LRRIQ4: variants seen among roughly 807,000 people sequenced by gnomAD.
LRRIQ4 encodes the protein leucine-rich repeat and IQ domain-containing protein 4.
LRRIQ4 carries 21 observed loss-of-function variants against 40.1 expected under a neutral mutation model. The observed-to-expected ratio is 0.52, with a 90% CI of 0.37 to 0.75. The LOEUF is 0.75. Ranked by LOEUF, LRRIQ4 falls within the 30% of genes least tolerant of loss-of-function variation. The pLI is 0.00. For missense variants in LRRIQ4, 655 were observed against 660.0 expected (o/e 0.99, Z 0.08); for synonymous variants, 277 against 277.1 (o/e 1.00, Z 0.00).
Position 169,822,801 on chromosome 3 carries a change from A to C in LRRIQ4, c.880A>C (p.Arg294=), listed in dbSNP as rs1297487560. The C allele has an allele frequency of 1.9e-6, 3 of 1,613,772 alleles. No individual in the cohort carries two copies. The South Asian group carries it at 3.3e-5, about 18-fold the overall frequency. ...LLYLGNTGLH[R]LRGSFRCLVN... is the part of the protein sequence containing the mutation. ...CTACCTGGGAAACACCGGCCTGCAC[A>C]GGCTGCGGGGCTCCTTCAGGTGCCT... The change falls in exon 2 of 6, where the codon AGG becomes CGG. Residue 294 remains arginine, a synonymous_variant. Coordinates refer to ENST00000340806, the MANE Select transcript of LRRIQ4 (RefSeq NM_001080460.3).
Position 169,822,771 on chromosome 3 carries a change from C to A in LRRIQ4, c.850C>A (p.Leu284Met). The A allele has an allele frequency of 6.2e-7, 1 of 1,613,600 alleles. No homozygotes were observed. The highest frequency in any genetic ancestry group is 8.5e-7 in the Non-Finnish European group (1 of 1,179,696). The change falls in exon 2 of 6, where the codon CTG (leucine) becomes ATG (methionine). Residue 284 changes from leucine to methionine, a missense_variant. Transcript: ENST00000340806. ...RLICRWTSLH[L>M]LYLGNTGLHR... is the part of the protein sequence containing the mutation. ...CATTTGCAGGTGGACCTCGCTGCAC[C>A]TGCTCTACCTGGGAAACACCGGCCT...
intron 1 of LRRIQ4, among the ~76,000 whole-genome samples, chr3:169,818,637 G>A (rs1377935537): frequency 6.6e-6 from 1 of 152,160 alleles, no homozygotes; most frequent in African/African-American, 2.4e-5. Flanking sequence ...TTTTTCAAGT[G>A]TCTTTAGCTT....
At chr3:169,830,409 A>AAAAAAAAAAAAAAAAAAAAAAAAAT in intron 3 of LRRIQ4, 83 bp from the exon 4 acceptor site, 1 of 508,546 alleles carries the variant, frequency 2.0e-6, no homozygotes, top group Non-Finnish European at 2.9e-6. Flanking sequence ...AAAAAAAAAA[A>AAAAAAAAAAAAAAAAAAAAAAAAAT]TGCATGAGCA....
At chr3:169,831,981 A>AT (rs200261236) in intron 4 of LRRIQ4, among the ~76,000 whole-genome samples, 5 of 150,276 alleles carry the variant, frequency 3.3e-5, no homozygotes, top group Non-Finnish European at 7.4e-5. Flanking sequence ...AAGTTAAAAA[A>AT]TTTAAAAAAA....
chr3:169,832,138 A>G (rs1209153569), intron 4 of LRRIQ4, among the ~76,000 whole-genome samples: 2 of 151,994 alleles, frequency 1.3e-5, no homozygotes, highest in East Asian at 3.9e-4. Context: ...TGTCTCTAAT[A>G]TTTATGGACA....
At chr3:169,823,011 A>T (rs13433855) in intron 2 of LRRIQ4, 70 bp downstream of exon 2, 7 of 1,323,230 alleles carry the variant, frequency 5.3e-6, no homozygotes, top group South Asian at 1.7e-5. Flanking sequence ...TTGGTTCTGT[A>T]TCTAAACAGC....
intron 4 of LRRIQ4, among the ~76,000 whole-genome samples, chr3:169,832,631 C>CA (rs3047516): frequency 0.12 from 7,922 of 66,868 alleles, 574 homozygotes; most frequent in African/African-American, 0.17. Context: ...GACTCTGTCT[C>CA]AAAAAAAAAA....
rs547226611 is a variant in LRRIQ4, at chr3:169,825,175, T to G, written c.1020+2234T>G. On this transcript the variant is annotated intron_variant, in intron 2 of 5. Coordinates refer to ENST00000340806, the MANE Select transcript of LRRIQ4 (RefSeq NM_001080460.3). ...GGTGCCTGCCACCACGCCCGGCTAA[T>G]TTATGTATTTTTAGTAGAGGCAGGG... Among the ~76,000 whole-genome samples, 11 of 152,072 alleles carry G rather than the reference T, an allele frequency of 7.2e-5. No homozygotes were observed. The South Asian group carries it at 1.7e-3, about 23-fold the overall frequency.
chr3:169,815,712 G>T (rs1224844710), intron 1 of LRRIQ4, among the ~76,000 whole-genome samples: 1 of 152,100 alleles, frequency 6.6e-6, no homozygotes, highest in Non-Finnish European at 1.5e-5. Flanking sequence ...TCCTTATATT[G>T]TTCCAGATCT....
chr3:169,832,552 A>C (rs1033784400), intron 4 of LRRIQ4, among the ~76,000 whole-genome samples: 3 of 149,948 alleles, frequency 2.0e-5, no homozygotes, highest in African/African-American at 7.3e-5. Context: ...GAATCGCTTC[A>C]ACCTGGGAGG....
At chr3:169,827,125 T>TA (rs1780055980) in intron 2 of LRRIQ4, among the ~76,000 whole-genome samples, 2 of 151,990 alleles carry the variant, frequency 1.3e-5, no homozygotes, top group Admixed American at 1.3e-4. Context: ...GACTAGGGAA[T>TA]GGATGGGAAG....
At chr3:169,827,358 A>C (rs1780062341) in intron 2 of LRRIQ4, among the ~76,000 whole-genome samples, 1 of 152,150 alleles carries the variant, frequency 6.6e-6, no homozygotes, top group Admixed American at 6.5e-5. Flanking sequence ...CTGTAATCTC[A>C]GCACTTTGGG....
chr3:169,819,448 C>T (rs1779830300), intron 1 of LRRIQ4, among the ~76,000 whole-genome samples: 1 of 152,102 alleles, frequency 6.6e-6, no homozygotes, highest in African/African-American at 2.4e-5. Context: ...CCCAGACACC[C>T]TCATATTAAT....
intron 1 of LRRIQ4, among the ~76,000 whole-genome samples, chr3:169,814,736 C>G (rs989603986): frequency 6.6e-6 from 1 of 152,190 alleles, no homozygotes; most frequent in African/African-American, 2.4e-5. Context: ...CTACCTGCCT[C>G]TGCCGCCCAA....
chr3:169,827,834 G>A (rs1012981341), intron 2 of LRRIQ4, among the ~76,000 whole-genome samples: 2 of 152,170 alleles, frequency 1.3e-5, no homozygotes, highest in African/African-American at 4.8e-5. Context: ...CACTGTATTA[G>A]AAGGTTGAAA....
At chr3:169,832,708 T>G (rs1346403982) in intron 4 of LRRIQ4, among the ~76,000 whole-genome samples, 10 of 151,432 alleles carry the variant, frequency 6.6e-5, no homozygotes, top group Non-Finnish European at 1.3e-4. Context: ...TTTTTCCCAG[T>G]GGGCTGTCAG....
rs374661222 is a variant in LRRIQ4, at chr3:169,819,709, C to G, written c.-31-2182C>G. Among the ~76,000 whole-genome samples, 175 of 152,244 alleles carry G rather than the reference C, an allele frequency of 1.1e-3. 3 individuals carry two copies. In the South Asian group the frequency reaches 0.036, roughly 31 times the overall value. ...GGAAACAGGGCAAATAATGATGCCT[C>G]CTGCATAGGATTATTGTGAAGATTA... is the stretch of plus-strand genomic sequence containing the variant. On this transcript the variant is annotated intron_variant, in intron 1 of 5. Transcript: ENST00000340806.
rs1195868613 is a variant in LRRIQ4 at position 169,833,150 on chromosome 3, G to A, written c.1497G>A (p.Lys499=). 1 of 1,613,350 alleles carries A rather than the reference G, an allele frequency of 6.2e-7. No individual in the cohort carries two copies. The highest frequency in any genetic ancestry group is 8.5e-7 in the Non-Finnish European group (1 of 1,179,730). Residue 499 remains lysine, a synonymous_variant, in exon 5 of 6, where the codon AAG becomes AAA. Transcript: ENST00000340806. The stretch of plus-strand genomic sequence containing the variant: ...ATGAGGCCATATGGAAATACCTCAA[G>A]GAAAACAGAAACAGGAATATAATGG... ...EGNEAIWKYL[K]ENRNRNIMAT...
At position 169,834,017 on chromosome 3, in the gene LRRIQ4, A is replaced by G. The variant is rs78839799; in HGVS notation, c.1530+834A>G. Among the ~76,000 whole-genome samples, 1,081 of 152,382 alleles carry G rather than the reference A, an allele frequency of 7.1e-3. 25 individuals carry two copies. The East Asian group carries it at 0.076, about 11-fold the overall frequency. Reference sequence around the variant, plus strand: ...ACAAAAGGACATAATTTTAATCAAAATAACGCCTGAGTTACAATTTAAAGG... The same window carrying G: ...ACAAAAGGACATAATTTTAATCAAAGTAACGCCTGAGTTACAATTTAAAGG... On this transcript the variant is annotated intron_variant, in intron 5 of 5. Coordinates refer to ENST00000340806, the MANE Select transcript of LRRIQ4 (RefSeq NM_001080460.3).
Sources: gnomAD v4.1 joint callset for allele counts (sites outside exome capture counted in the v4.1 genomes callset) on GRCh38, gnomAD v4.1.1 for gene constraint, MANE v1.5 for transcripts, NCBI Gene and HGNC (gene_info 2026-07-23, HGNC 2026-07-21) for gene names.